The following RAB14 variants were observed in gnomAD, a reference collection of about 807,000 sequenced individuals.
RAB14 encodes RAB14, member RAS oncogene family, also known as ras-related protein Rab-14.
A neutral mutation model predicts 31.1 loss-of-function variants in RAB14; 3 were observed. The ratio of observed to expected loss-of-function variants is 0.10; its 90% confidence interval spans 0.04 to 0.25. The LOEUF (loss-of-function observed/expected upper bound fraction) is 0.25, where lower values mean the gene tolerates loss of function less well. Ranked by LOEUF, RAB14 falls within the 10% of genes least tolerant of loss-of-function variation. RAB14 has a pLI of 1.00. For missense variants in RAB14, 111 were observed against 260.1 expected, an observed-to-expected ratio of 0.43 and a Z score of 3.94; for synonymous variants, 85 against 84.9, an observed-to-expected ratio of 1.00 and a Z score of 0.00.
At chr9:121,186,076 C>A (rs961954825) in intron 5 of RAB14, among the ~76,000 whole-genome samples, 20 of 152,084 alleles carry the variant, frequency 1.3e-4, no homozygotes, top group Non-Finnish European at 8.8e-5. Context: ...GGGTATAAAG[C>A]CAAGTGAGAC....
chr9:121,197,658 T>C (rs1037185797), intron 1 of RAB14, among the ~76,000 whole-genome samples: 2 of 152,232 alleles, frequency 1.3e-5, no homozygotes, highest in African/African-American at 2.4e-5. Flanking sequence ...TGTGAAGGTA[T>C]ACACTTTCAT....
At chr9:121,198,932 C>A (rs2053733854) in intron 1 of RAB14, among the ~76,000 whole-genome samples, 1 of 84,524 alleles carries the variant, frequency 1.2e-5, no homozygotes, top group Non-Finnish European at 2.6e-5. Flanking sequence ...AAGTAGCCCA[C>A]CCACTTAAAA....
chr9:121,182,118 C>A (rs2053636877), intron 7 of RAB14, among the ~76,000 whole-genome samples: 1 of 152,118 alleles, frequency 6.6e-6, no homozygotes, highest in African/African-American at 2.4e-5. Context: ...CCTATTTGGA[C>A]AACTACATGT....
intron 5 of RAB14, among the ~76,000 whole-genome samples, chr9:121,184,012 C>T (rs1369050712): frequency 1.3e-5 from 2 of 152,150 alleles, no homozygotes; most frequent in Non-Finnish European, 2.9e-5. Context: ...AGGTTCAACT[C>T]CTTTAGGCTA....
At chr9:121,193,172 AC>A (rs2053696142) in intron 2 of RAB14, among the ~76,000 whole-genome samples, 188 bp downstream of exon 2, 1 of 152,178 alleles carries the variant, frequency 6.6e-6, no homozygotes, top group Non-Finnish European at 1.5e-5. Flanking sequence ...GCACTGTACC[AC>A]AGAAATATCC....
At chr9:121,189,797 T>C (rs1588369506) in intron 4 of RAB14, among the ~76,000 whole-genome samples, 1 of 152,150 alleles carries the variant, frequency 6.6e-6, no homozygotes. Flanking sequence ...CGCCCATCTT[T>C]ACCCCCAAGA....
At position 121,180,624 on chromosome 9, in the gene RAB14, T is replaced by C. The variant is rs991293698; in HGVS notation, c.*772A>G. 1.3e-5 allele frequency: 2 copies of C among 152,668 alleles called. No individual in the cohort carries two copies. Among genetic ancestry groups the C allele is most frequent in the Non-Finnish European group, 2.9e-5 (2 of 68,054 alleles). 9.5% of individuals were successfully genotyped at this position (152,668 alleles called of 1,614,324 possible). On this transcript the variant is annotated 3_prime_UTR_variant, in exon 8 of 8. Coordinates refer to ENST00000373840, the MANE Select transcript of RAB14 (RefSeq NM_016322.4). The stretch of plus-strand genomic sequence containing the variant: ...TGGAAGGGAGTAACATGGTCACATA[T>C]AGGTCATACTGTACAAACTGGTATT...
chr9:121,190,946 A>G lies in RAB14; in HGVS notation c.107-215T>C, dbSNP rs79278255. Among the ~76,000 whole-genome samples the G allele has an allele frequency of 2.7e-4, 41 of 152,272 alleles. No homozygotes were observed. In the East Asian group the frequency reaches 7.7e-3, roughly 29 times the overall value. On this transcript the variant is annotated intron_variant, in intron 3 of 7. Transcript: ENST00000373840. Reference sequence around the variant, plus strand: ...GAATCGGGGTCAGCAAACTTCTAGAAAGGACCAAGCAGAAAATATTTTAAG... The same window carrying G: ...GAATCGGGGTCAGCAAACTTCTAGAGAGGACCAAGCAGAAAATATTTTAAG...
chr9:121,186,647 T>A (rs1430059934), intron 5 of RAB14, among the ~76,000 whole-genome samples: 1 of 152,164 alleles, frequency 6.6e-6, no homozygotes, highest in Non-Finnish European at 1.5e-5. Flanking sequence ...TAAAGTTTTA[T>A]GAAATTAATG....
chr9:121,198,674 A>T (rs941805205), intron 1 of RAB14, among the ~76,000 whole-genome samples: 2 of 152,210 alleles, frequency 1.3e-5, no homozygotes, highest in African/African-American at 2.4e-5. Context: ...CAACATAAAC[A>T]TATCTGTTAA....
intron 5 of RAB14, among the ~76,000 whole-genome samples, chr9:121,185,037 C>T (rs897780594): frequency 6.6e-6 from 1 of 152,128 alleles, no homozygotes; most frequent in African/African-American, 2.4e-5. Context: ...TGGTAGAGAA[C>T]ACAACTTCTA....
In RAB14 at chr9:121,178,569, C is replaced by G. The variant is rs1370000978; in HGVS notation, c.*2827G>C. ...AAAGACACATGGGCAAAAAAGTTCC[C>G]CAAAACTACTGTCTTACCGAATTTG... On this transcript the variant is annotated 3_prime_UTR_variant, in exon 8 of 8. Coordinates refer to ENST00000373840, the MANE Select transcript of RAB14 (RefSeq NM_016322.4). 2 of 152,434 alleles carry G rather than the reference C, an allele frequency of 1.3e-5. No individual in the cohort carries two copies. The highest frequency in any genetic ancestry group is 2.9e-5 in the Non-Finnish European group (2 of 68,018). 9.4% of individuals were successfully genotyped at this position (152,434 alleles called of 1,614,324 possible). A position where few individuals can be genotyped will look rare whatever the true frequency, so the allele number is the denominator to read the frequency against.
At chr9:121,195,167 G>A (rs1174819828) in intron 1 of RAB14, among the ~76,000 whole-genome samples, 1 of 152,072 alleles carries the variant, frequency 6.6e-6, no homozygotes, top group Non-Finnish European at 1.5e-5. Flanking sequence ...TGAACCAGAT[G>A]CCAAACACAA....
chr9:121,200,744 A>C (rs1432635532), intron 1 of RAB14, among the ~76,000 whole-genome samples: 1 of 152,214 alleles, frequency 6.6e-6, no homozygotes, highest in African/African-American at 2.4e-5. Context: ...GCCAGTTTGT[A>C]ATGTACCATC....
chr9:121,194,973 T>C (rs1010501284), intron 1 of RAB14, among the ~76,000 whole-genome samples: 3 of 152,114 alleles, frequency 2.0e-5, no homozygotes, highest in Non-Finnish European at 2.9e-5. Flanking sequence ...TTATAATCAG[T>C]CTCCTGCATC....
intron 1 of RAB14, among the ~76,000 whole-genome samples, chr9:121,198,370 C>A (rs942809934): frequency 2.3e-4 from 35 of 152,286 alleles, no homozygotes; most frequent in African/African-American, 8.2e-4. Flanking sequence ...AAAACCAACA[C>A]TCAATAGTAG....
At chr9:121,188,629 C>T (rs2053670594) in intron 4 of RAB14, among the ~76,000 whole-genome samples, 2 of 151,358 alleles carry the variant, frequency 1.3e-5, no homozygotes, top group Non-Finnish European at 2.9e-5. Flanking sequence ...TAGAAAAGCA[C>T]CCTGTAACAA....
At position 121,183,319 on chromosome 9, in the gene RAB14, T is replaced by C; in HGVS notation, c.431A>G (p.Glu144Gly). The change falls in exon 6 of 8, where the codon GAA (glutamate) becomes GGA (glycine). Residue 144 changes from glutamate (E) to glycine (G), a missense_variant. Glu to Gly is a moderately conservative substitution (Grantham distance 98). Transcript: ENST00000373840. ...GTCTTAAAGAAACTCACCATTTTCT[T>C]CAGCAAACTGTTTGGCTTCTTCATA... is the stretch of plus-strand genomic sequence containing the variant. ...VTYEEAKQFA[E>G]ENGLLFLEAS... 1 of 1,607,188 alleles carries C rather than the reference T, an allele frequency of 6.2e-7. No individual in the cohort carries two copies. Among genetic ancestry groups the C allele is most frequent in the South Asian group, 1.1e-5 (1 of 90,688 alleles).
At chr9:121,201,254 G>A (rs1389818394) in intron 1 of RAB14, among the ~76,000 whole-genome samples, 2 of 152,186 alleles carry the variant, frequency 1.3e-5, no homozygotes, top group African/African-American at 2.4e-5. Context: ...TACACCCTGC[G>A]GGGGCGGGCT....
Sources: gnomAD v4.1 joint callset for allele counts (sites outside exome capture counted in the v4.1 genomes callset) on GRCh38, gnomAD v4.1.1 for gene constraint, MANE v1.5 for transcripts, NCBI Gene and HGNC (gene_info 2026-07-23, HGNC 2026-07-21) for gene names.